CRACD: variants seen among roughly 807,000 people sequenced by gnomAD.
CRACD encodes capping protein inhibiting regulator of actin dynamics.
Under a neutral mutation model 106.8 loss-of-function variants are expected in CRACD, and 56 were observed. The ratio of observed to expected loss-of-function variants is 0.52; its 90% CI spans 0.42 to 0.66. The LOEUF (loss-of-function observed/expected upper bound fraction) is 0.66, where lower values mean the gene tolerates loss of function less well. Ranked by LOEUF, CRACD falls within the 30% of genes least tolerant of loss-of-function variation. The pLI, the probability that CRACD is intolerant of heterozygous loss-of-function variation, is 0.00. For missense variants in CRACD, 1,730 were observed against 1,623.2 expected (o/e 1.07, Z -1.13); for synonymous variants, 754 against 670.8 (o/e 1.12, Z -1.92).
chr4:56,258,064 A>G (rs1202017212), intron 2 of CRACD, among the ~76,000 whole-genome samples: 2 of 150,058 alleles, frequency 1.3e-5, no homozygotes, highest in Admixed American at 6.6e-5. Context: ...GTGAGACTCC[A>G]TCTCAGAAAA....
rs1338174160 is a variant in CRACD at position 56,314,088 on chromosome 4, C to G, written c.586C>G (p.Gln196Glu). The change falls in exon 8 of 11, where the codon CAG becomes GAG. Residue 196 changes from glutamine (Q) to glutamate (E), a missense_variant. Coordinates refer to ENST00000682029, the MANE Select transcript of CRACD (RefSeq NM_001393381.1). This position sits in a 1 kb window ranked among gnomAD's most constrained non-coding sequence, Gnocchi z 4.4. ...GGLESRPCLD[Q>E]NGHPGEDKPT... ...CCTTGAGAGTCGGCCCTGCCTGGAC[C>G]AGAACGGACACCCAGGCGAGGACAA... 1 of 1,614,056 alleles carries G rather than the reference C, an allele frequency of 6.2e-7. No homozygotes were observed. The highest frequency in any genetic ancestry group is 8.5e-7 in the Non-Finnish European group (1 of 1,180,042).
chr4:56,305,902 C>T (rs551473604), intron 4 of CRACD, among the ~76,000 whole-genome samples: 17 of 152,334 alleles, frequency 1.1e-4, no homozygotes, highest in South Asian at 4.1e-4. Context: ...GGGATTCTTG[C>T]GCCAGGGAAC....
chr4:56,179,166 G>A (rs1027388796), intron 1 of CRACD, 118 bp from the exon 2 acceptor site: 1 of 151,258 alleles, frequency 6.6e-6, no homozygotes, highest in African/African-American at 2.4e-5. Context: ...CATGGAGGGG[G>A]AAGAAACCTC....
intron 4 of CRACD, 118 bp from the exon 5 acceptor site, chr4:56,307,417 A>C: frequency 3.5e-6 from 3 of 860,238 alleles, no homozygotes; most frequent in Non-Finnish European, 5.4e-6. Flanking sequence ...TGTTGAGTCT[A>C]GAAATCAGTT....
intron 2 of CRACD, among the ~76,000 whole-genome samples, chr4:56,245,179 C>T (rs1367284363): frequency 1.3e-5 from 2 of 152,192 alleles, no homozygotes; most frequent in African/African-American, 2.4e-5. Context: ...TTATTTAATA[C>T]ATTAGGAATA....
intron 2 of CRACD, among the ~76,000 whole-genome samples, chr4:56,226,268 A>T (rs1311686504): frequency 1.3e-5 from 2 of 152,202 alleles, no homozygotes. Flanking sequence ...AGACCAAACC[A>T]TCTCATTAGA....
chr4:56,122,775 T>C (rs1734533079), intron 1 of CRACD, among the ~76,000 whole-genome samples: 1 of 152,258 alleles, frequency 6.6e-6, no homozygotes, highest in African/African-American at 2.4e-5. Context: ...AAGTGTGATT[T>C]GCATTTTCCA....
At chr4:56,192,912 A>G (rs1737442232) in intron 2 of CRACD, among the ~76,000 whole-genome samples, 1 of 152,202 alleles carries the variant, frequency 6.6e-6, no homozygotes, top group Non-Finnish European at 1.5e-5. Flanking sequence ...CCCGAAACAG[A>G]CAACACTTAA....
intron 10 of CRACD, among the ~76,000 whole-genome samples, chr4:56,326,741 C>CT (rs559242636): frequency 0.2 from 28,060 of 137,814 alleles, 3,408 homozygotes; most frequent in African/African-American, 0.33. Flanking sequence ...GGGACGGTAG[C>CT]TTTTTTTTTT....
Position 56,131,886 on chromosome 4 carries a change from C to T in CRACD, c.-335-47398C>T, listed in dbSNP as rs139081579. ...TATAACAAATACATCATTTATTTTA[C>T]AAAATTTGGGTTATATTATAAATAT... On this transcript the variant is annotated intron_variant, in intron 1 of 10. Coordinates refer to ENST00000682029, the MANE Select transcript of CRACD (RefSeq NM_001393381.1). 1.9e-4 allele frequency among the ~76,000 whole-genome samples: 29 copies of T among 152,028 alleles called. No homozygotes were observed. The East Asian group carries it at 5.4e-3, about 28-fold the overall frequency.
chr4:56,104,461 A>T (rs767935054), intron 1 of CRACD, among the ~76,000 whole-genome samples: 33 of 152,214 alleles, frequency 2.2e-4, no homozygotes, highest in Non-Finnish European at 4.1e-4. Context: ...TTGTTCACTT[A>T]GCAACAGGGA....
intron 2 of CRACD, among the ~76,000 whole-genome samples, chr4:56,207,827 T>C (rs1024255997): frequency 6.8e-6 from 1 of 147,690 alleles, no homozygotes; most frequent in African/African-American, 2.5e-5. Context: ...TTTTATTTTA[T>C]TTATTTATTT....
intron 3 of CRACD, among the ~76,000 whole-genome samples, chr4:56,282,432 G>A (rs909261267): frequency 1.3e-5 from 2 of 152,182 alleles, no homozygotes; most frequent in Non-Finnish European, 2.9e-5. Flanking sequence ...ATGTCAGCAG[G>A]TCTTAGATTG....
chr4:56,068,360 G>A (rs1254606685), intron 1 of CRACD, among the ~76,000 whole-genome samples: 1 of 152,206 alleles, frequency 6.6e-6, no homozygotes, highest in Non-Finnish European at 1.5e-5. Flanking sequence ...GAATGGTAGG[G>A]ACAGATGGAG....
intron 2 of CRACD, among the ~76,000 whole-genome samples, chr4:56,182,668 A>T (rs913954579): frequency 1.3e-5 from 2 of 152,188 alleles, no homozygotes; most frequent in Non-Finnish European, 2.9e-5. Context: ...AAGAGAGCTC[A>T]CAACTGATGT....
In CRACD at chr4:56,122,397, CA is replaced by C. The variant is rs542369697; in HGVS notation, c.-335-56882del. Among the ~76,000 whole-genome samples the C allele has an allele frequency of 5.0e-4, 76 of 151,286 alleles. 1 individual carries two copies. In the East Asian group the frequency reaches 0.013, roughly 25 times the overall value. On this transcript the variant is annotated intron_variant, in intron 1 of 10. Coordinates refer to ENST00000682029, the MANE Select transcript of CRACD (RefSeq NM_001393381.1). ...AGGGGAAAAAGAAGCAAAAAATTTG[CA>C]AAAATTAAAACCTCCAAATTCTCTA...
At chr4:56,320,415 G>A (rs1261601832) in intron 8 of CRACD, among the ~76,000 whole-genome samples, 1 of 152,088 alleles carries the variant, frequency 6.6e-6, no homozygotes, top group Non-Finnish European at 1.5e-5. Context: ...TAGGAATTTT[G>A]AACTCCTCAA....
At chr4:56,247,035 T>C (rs1231742667) in intron 2 of CRACD, among the ~76,000 whole-genome samples, 1 of 152,178 alleles carries the variant, frequency 6.6e-6, no homozygotes, top group Non-Finnish European at 1.5e-5. Context: ...TCCTGCACTT[T>C]TATAAGCTTT....
intron 2 of CRACD, among the ~76,000 whole-genome samples, chr4:56,254,047 G>A (rs954583631): frequency 2.0e-5 from 3 of 152,190 alleles, no homozygotes. Context: ...TGGTGCATGA[G>A]TTAATTGAAA....
Sources: allele counts gnomAD v4.1 joint callset (sites outside exome capture counted in the v4.1 genomes callset), GRCh38; gene constraint gnomAD v4.1.1; non-coding constraint Gnocchi (gnomAD v3.1); transcripts MANE v1.5; gene names NCBI Gene and HGNC (gene_info 2026-07-23, HGNC 2026-07-21).